CEACAM6: variants seen among roughly 807,000 people sequenced by gnomAD.
CEACAM6 encodes cell adhesion molecule CEACAM6.
A neutral mutation model predicts 32.4 loss-of-function variants in CEACAM6; 21 were observed. The ratio of observed to expected loss-of-function variants is 0.65; its 90% CI spans 0.46 to 0.93. CEACAM6 has a LOEUF of 0.93. Among genes scored for constraint, CEACAM6 ranks in the 40% least tolerant of loss-of-function variants. The pLI, the probability that CEACAM6 is intolerant of heterozygous loss-of-function variation, is 0.00. For synonymous variants in CEACAM6, 184 were observed against 174.4 expected (o/e 1.06, Z -0.43); for missense variants, 406 against 432.2 (o/e 0.94, Z 0.54).
rs2072954963 is a variant in CEACAM6, at chr19:41,766,229, T to C, written c.1005T>C (p.Ile335=). ...LSAVATVGIT[I]GVLARVALI is the part of the protein sequence containing the mutation. ...CTGTGGCCACCGTCGGCATCACGAT[T>C]GGAGTGCTGGCCAGGGTGGCTCTGA... Residue 335 remains isoleucine, a synonymous_variant, in exon 5 of 6, where the codon ATT becomes ATC. Coordinates refer to ENST00000199764, the MANE Select transcript of CEACAM6 (RefSeq NM_002483.7). The C allele has an allele frequency of 1.2e-6, 2 of 1,606,734 alleles. No homozygotes were observed. Among genetic ancestry groups the C allele is most frequent in the Non-Finnish European group, 1.7e-6 (2 of 1,177,110 alleles).
At chr19:41,763,260 A>G (rs188689991) in intron 4 of CEACAM6, among the ~76,000 whole-genome samples, 2 of 152,254 alleles carry the variant, frequency 1.3e-5, no homozygotes, top group African/African-American at 4.8e-5. Context: ...ACTCCTGGGC[A>G]GAGCTGCCCA....
intron 2 of CEACAM6, among the ~76,000 whole-genome samples, chr19:41,758,811 T>A (rs782767428): frequency 6.6e-6 from 1 of 152,172 alleles, no homozygotes; most frequent in Non-Finnish European, 1.5e-5. Context: ...TCACACTGTG[T>A]CCTGGCCCAC....
At chr19:41,770,087 T>G (rs1344630119) in intron 5 of CEACAM6, among the ~76,000 whole-genome samples, 2 of 151,230 alleles carry the variant, frequency 1.3e-5, no homozygotes, top group African/African-American at 4.9e-5. Context: ...AATCTGAGAT[T>G]CCTTATAAAA....
intron 5 of CEACAM6, among the ~76,000 whole-genome samples, chr19:41,769,952 T>C (rs1320336617): frequency 2.0e-5 from 3 of 150,896 alleles, no homozygotes; most frequent in African/African-American, 7.3e-5. Flanking sequence ...ACTGGTTATA[T>C]TACCCAGGCT....
chr19:41,759,382 G>A (rs957254692), intron 2 of CEACAM6, among the ~76,000 whole-genome samples: 5 of 152,190 alleles, frequency 3.3e-5, no homozygotes, highest in African/African-American at 9.7e-5. Flanking sequence ...ATGACTGTTT[G>A]GGGCTCCTTC....
intron 3 of CEACAM6, among the ~76,000 whole-genome samples, chr19:41,761,743 C>T (rs2072925883): frequency 6.6e-6 from 1 of 152,192 alleles, no homozygotes; most frequent in Non-Finnish European, 1.5e-5. Flanking sequence ...AACACCCATT[C>T]CCATCATCAC....
chr19:41,769,100 CA>C (rs1456118271), intron 5 of CEACAM6, among the ~76,000 whole-genome samples: 6 of 152,050 alleles, frequency 3.9e-5, no homozygotes, highest in Non-Finnish European at 4.4e-5. Context: ...CATGCGTCAC[CA>C]TGCCCGGCTA....
In CEACAM6 at chr19:41,771,087, A is replaced by G. The variant is rs2072991381; in HGVS notation, c.*326A>G. 1 of 152,068 alleles carries G rather than the reference A, an allele frequency of 6.6e-6. No individual in the cohort carries two copies. Among genetic ancestry groups the G allele is most frequent in the African/African-American group, 2.4e-5 (1 of 41,402 alleles). The allele number at this position is 152,068 out of a possible 1,614,324, so 9.4% of individuals were successfully genotyped here. A position where few individuals can be genotyped will look rare whatever the true frequency, so the allele number is the denominator to read the frequency against. ...GACTCCTCATCATGATAAGGCTCTT[A>G]CCCCCTTTTAATTTGTCCTTGCTTA... On this transcript the variant is annotated 3_prime_UTR_variant, in exon 6 of 6. Coordinates refer to ENST00000199764, the MANE Select transcript of CEACAM6 (RefSeq NM_002483.7).
rs2072990328 is a variant in CEACAM6 at position 41,770,891 on chromosome 19, C to T, written c.*130C>T. 1 of 152,892 alleles carries T rather than the reference C, an allele frequency of 6.5e-6. No individual in the cohort carries two copies. The highest frequency in any genetic ancestry group is 6.5e-5 in the Admixed American group (1 of 15,280). 9.5% of individuals were successfully genotyped at this position (152,892 alleles called of 1,614,324 possible). A position where few individuals can be genotyped will look rare whatever the true frequency, so the allele number is the denominator to read the frequency against. On this transcript the variant is annotated 3_prime_UTR_variant, in exon 6 of 6. Transcript: ENST00000199764. Reference sequence around the variant, plus strand: ...AACAAGGTCTGCTCTGCTCCTGAAGCCCTATATGCTGGAGATGGACAACTC... The same window carrying T: ...AACAAGGTCTGCTCTGCTCCTGAAGTCCTATATGCTGGAGATGGACAACTC...
chr19:41,763,102 A>G (rs1442984025), intron 4 of CEACAM6, among the ~76,000 whole-genome samples: 2 of 152,172 alleles, frequency 1.3e-5, no homozygotes, highest in Non-Finnish European at 1.5e-5. Flanking sequence ...ACCAGCCACT[A>G]TGTATCTAAT....
At position 41,762,045 on chromosome 19, in the gene CEACAM6, C is replaced by A; in HGVS notation, c.780C>A (p.His260Gln). The change falls in exon 4 of 6, where the codon CAC becomes CAA. Residue 260 changes from histidine (H) to glutamine (Q), a missense_variant. Physicochemically the swap from His to Gln is conservative, Grantham distance 24 (BLOSUM62 0). Coordinates refer to ENST00000199764, the MANE Select transcript of CEACAM6 (RefSeq NM_002483.7). Reference protein sequence around the residue: ...RPGENLNLSCHAASNPPAQYS... With the variant: ...RPGENLNLSCQAASNPPAQYS... ...GGGAAAATCTGAACCTCTCCTGCCACGCAGCCTCTAACCCACCTGCACAGT... is the reference window on the plus strand; with the variant it reads ...GGGAAAATCTGAACCTCTCCTGCCAAGCAGCCTCTAACCCACCTGCACAGT... 3 of 1,614,194 alleles carry A rather than the reference C, an allele frequency of 1.9e-6. No homozygotes were observed. Among genetic ancestry groups the A allele is most frequent in the Non-Finnish European group, 2.5e-6 (3 of 1,180,034 alleles).
intron 5 of CEACAM6, among the ~76,000 whole-genome samples, chr19:41,768,289 G>T (rs2072968452): frequency 6.6e-6 from 1 of 152,152 alleles, no homozygotes; most frequent in South Asian, 2.1e-4. Context: ...AGATTAGGGA[G>T]TGGTGATGAC....
At chr19:41,761,654 G>C in intron 3 of CEACAM6, 127 bp downstream of exon 3, 1 of 1,495,416 alleles carries the variant, frequency 6.7e-7, no homozygotes, top group Non-Finnish European at 9.1e-7. Flanking sequence ...ATGACTTCCT[G>C]CCCTGAGCAA....
Position 41,755,586 on chromosome 19 carries a change from C to T in CEACAM6, c.-53C>T. 1 of 1,553,466 alleles carries T rather than the reference C, an allele frequency of 6.4e-7. No individual in the cohort carries two copies. Among genetic ancestry groups the T allele is most frequent in the Non-Finnish European group, 8.9e-7 (1 of 1,125,482 alleles). ...TCACAGCAGCCCTGACCAGAGCATT[C>T]CTGGAGCTCAAGCTCCTCTACAAAG... On this transcript the variant is annotated 5_prime_UTR_variant, in exon 1 of 6. Transcript: ENST00000199764.
chr19:41,761,533 T>C lies in CEACAM6; in HGVS notation c.703+6T>C. The C allele has an allele frequency of 1.2e-6, 2 of 1,613,502 alleles. No individual in the cohort carries two copies. The highest frequency in any genetic ancestry group is 8.5e-7 in the Non-Finnish European group (1 of 1,179,580). On this transcript the variant is annotated splice_donor_region_variant and intron_variant, in intron 3 of 5. Transcript: ENST00000199764. ...AGTCACCCTGAATGTCCTCTGTGAG[T>C]ATCTTCTGTTCCTCTGTGGCCCAGG...
In CEACAM6 at chr19:41,771,906, G is replaced by C. The variant is rs1366141174; in HGVS notation, c.*1145G>C. On this transcript the variant is annotated 3_prime_UTR_variant, in exon 6 of 6. Coordinates refer to ENST00000199764, the MANE Select transcript of CEACAM6 (RefSeq NM_002483.7). Reference sequence around the variant, plus strand: ...ATACTCCAACTGAAATGTTAAGGAAGAAGATAGATCCAATTAAAAAAAATT... The same window carrying C: ...ATACTCCAACTGAAATGTTAAGGAACAAGATAGATCCAATTAAAAAAAATT... 2 of 151,484 alleles carry C rather than the reference G, an allele frequency of 1.3e-5. No individual in the cohort carries two copies. Among genetic ancestry groups the C allele is most frequent in the African/African-American group, 4.9e-5 (2 of 41,196 alleles). 9.4% of individuals were successfully genotyped at this position (151,484 alleles called of 1,614,324 possible).
chr19:41,758,643 T>C (rs2072904016), intron 2 of CEACAM6, among the ~76,000 whole-genome samples: 1 of 152,168 alleles, frequency 6.6e-6, no homozygotes, highest in South Asian at 2.1e-4. Flanking sequence ...CACTGCTCAC[T>C]GCCATGGGTA....
intron 2 of CEACAM6, among the ~76,000 whole-genome samples, chr19:41,757,312 C>CATT (rs2072894774): frequency 6.6e-6 from 1 of 151,992 alleles, no homozygotes; most frequent in Admixed American, 6.5e-5. Flanking sequence ...CCTAGGGACC[C>CATT]CTCAGAGAGA....
intron 2 of CEACAM6, 45 bp from the exon 3 acceptor site, chr19:41,761,204 T>C (rs782682266): frequency 4.6e-5 from 75 of 1,613,302 alleles, no homozygotes; most frequent in Non-Finnish European, 6.3e-5. Context: ...TGTGGAGGAA[T>C]CAAAGGTGCC....
Sources: allele counts gnomAD v4.1 joint callset (sites outside exome capture counted in the v4.1 genomes callset), GRCh38; gene constraint gnomAD v4.1.1; transcripts MANE v1.5; gene names NCBI Gene and HGNC (gene_info 2026-07-23, HGNC 2026-07-21).